FUBP3: variants seen among roughly 807,000 people sequenced by gnomAD.
FUBP3 encodes the protein far upstream element binding protein 3, also known as far upstream element-binding protein 3.
In FUBP3, 28 loss-of-function variants were observed where a neutral mutation model predicts 85.6. The observed-to-expected ratio is 0.33, with a 90% CI of 0.24 to 0.45. The LOEUF (loss-of-function observed/expected upper bound fraction) is 0.45. Among genes scored for constraint, FUBP3 ranks in the 20% least tolerant of loss-of-function variants. The pLI, the probability that FUBP3 is intolerant of heterozygous loss-of-function variation, is 1.00. For missense variants in FUBP3, 583 were observed against 755.1 expected, an observed-to-expected ratio of 0.77 and a Z score of 2.67; for synonymous variants, 271 against 271.4, an observed-to-expected ratio of 1.00 and a Z score of 0.01.
At chr9:130,608,301 A>C (rs1346253537) in intron 2 of FUBP3, among the ~76,000 whole-genome samples, 1 of 152,184 alleles carries the variant, frequency 6.6e-6, no homozygotes, top group Non-Finnish European at 1.5e-5. Flanking sequence ...TTCTGGCTTC[A>C]GTAGATTCTT....
chr9:130,623,990 C>T lies in FUBP3; in HGVS notation c.975+279C>T, dbSNP rs541872419. Among the ~76,000 whole-genome samples, 5 of 151,954 alleles carry T rather than the reference C, an allele frequency of 3.3e-5. No individual in the cohort carries two copies. The South Asian group carries it at 6.3e-4, about 19-fold the overall frequency. On this transcript the variant is annotated intron_variant, in intron 11 of 18. Coordinates refer to ENST00000319725, the MANE Select transcript of FUBP3 (RefSeq NM_003934.2). The stretch of plus-strand genomic sequence containing the variant: ...GTGGGGAAATACCATGGAGATTGGT[C>T]GCCAAGTTTCAAATAATCAAGTGTA...
At position 130,637,232 on chromosome 9, in the gene FUBP3, T is replaced by C; in HGVS notation, c.*210T>C. 3 of 591,766 alleles carry C rather than the reference T, an allele frequency of 5.1e-6. No individual in the cohort carries two copies. The highest frequency in any genetic ancestry group is 4.0e-5 in the South Asian group (2 of 49,526). The allele number at this position is 591,766 out of a possible 1,614,324, so 36.7% of individuals were successfully genotyped here. On this transcript the variant is annotated 3_prime_UTR_variant, in exon 19 of 19. Transcript: ENST00000319725. Reference sequence around the variant, plus strand: ...CATTTTTGTTTCATTATTTTTGTTATTTCAAATGTATAAGCTCTGGGATTC... The same window carrying C: ...CATTTTTGTTTCATTATTTTTGTTACTTCAAATGTATAAGCTCTGGGATTC...
chr9:130,631,543 C>A lies in FUBP3; in HGVS notation c.1279-14C>A, dbSNP rs368451098. 6.2e-6 allele frequency: 10 copies of A among 1,609,148 alleles called. No homozygotes were observed. Among genetic ancestry groups the A allele is most frequent in the African/African-American group, 2.7e-5 (2 of 74,840 alleles). On this transcript the variant is annotated splice_polypyrimidine_tract_variant and intron_variant, in intron 13 of 18. Coordinates refer to ENST00000319725, the MANE Select transcript of FUBP3 (RefSeq NM_003934.2). Reference sequence around the variant, plus strand: ...AACCAACAGCGGGTGAGAGCTCCCTCTGTGCCCCCACAGGGGACCAATCTC... The same window carrying A: ...AACCAACAGCGGGTGAGAGCTCCCTATGTGCCCCCACAGGGGACCAATCTC...
rs1226605380 is a variant in FUBP3 at position 130,592,189 on chromosome 9, G to A, written c.85-3294G>A. Reference sequence around the variant, plus strand: ...GGAGGTTGCAGTGAGCCAAGATTGCGCCACCGCACTCCAGCCTGGGCAACA... The same window carrying A: ...GGAGGTTGCAGTGAGCCAAGATTGCACCACCGCACTCCAGCCTGGGCAACA... On this transcript the variant is annotated intron_variant, in intron 1 of 18. Coordinates refer to ENST00000319725, the MANE Select transcript of FUBP3 (RefSeq NM_003934.2). Among the ~76,000 whole-genome samples the A allele has an allele frequency of 3.3e-5, 5 of 152,284 alleles. 1 individual carries two copies. Among genetic ancestry groups the A allele is most frequent in the African/African-American group, 2.4e-5 (1 of 41,552 alleles).
At position 130,635,974 on chromosome 9, in the gene FUBP3, CTG is replaced by C. The variant is rs1039177438; in HGVS notation, c.1583-21_1583-20del. The C allele has an allele frequency of 3.7e-6, 6 of 1,611,768 alleles. No individual in the cohort carries two copies. The highest frequency in any genetic ancestry group is 2.7e-5 in the African/African-American group (2 of 74,920). ...CCAGTGCACCTCCGCTCCCGATAAC[CTG>C]TGTTTCCTCCTTTGTCAACCAGGTC... On this transcript the variant is annotated intron_variant, in intron 17 of 18. Transcript: ENST00000319725. The surrounding 1 kb of genome is among the most constrained non-coding windows in gnomAD (Gnocchi z 4.3).
chr9:130,589,667 A>ATGTGTG lies in FUBP3; in HGVS notation c.85-5812_85-5807dup, dbSNP rs201160322. On this transcript the variant is annotated intron_variant, in intron 1 of 18. Transcript: ENST00000319725. Reference sequence around the variant, plus strand: ...CCAGATTTATTTTAAATATGTATGTATGTGTGTGTATATATATATATATAT... The same window carrying ATGTGTG: ...CCAGATTTATTTTAAATATGTATGTATGTGTGTGTGTGTGTATATATATATATATAT... Among the ~76,000 whole-genome samples, 158 of 59,974 alleles carry ATGTGTG rather than the reference A, an allele frequency of 2.6e-3. 1 individual carries two copies. The highest frequency in any genetic ancestry group is 6.5e-3 in the East Asian group (12 of 1,854). 39.3% of individuals were successfully genotyped at this position (59,974 alleles called of 152,430 possible).
chr9:130,631,554 C>T lies in FUBP3; in HGVS notation c.1279-3C>T. The T allele has an allele frequency of 6.2e-7, 1 of 1,612,488 alleles. No homozygotes were observed. Among genetic ancestry groups the T allele is most frequent in the Non-Finnish European group, 8.5e-7 (1 of 1,178,480 alleles). On this transcript the variant is annotated splice_region_variant and splice_polypyrimidine_tract_variant and intron_variant, in intron 13 of 18. Coordinates refer to ENST00000319725, the MANE Select transcript of FUBP3 (RefSeq NM_003934.2). ...GGTGAGAGCTCCCTCTGTGCCCCCACAGGGGACCAATCTCGGAGCACCTGG... is the reference window on the plus strand; with the variant it reads ...GGTGAGAGCTCCCTCTGTGCCCCCATAGGGGACCAATCTCGGAGCACCTGG...
At chr9:130,598,818 A>G (rs890692507) in intron 2 of FUBP3, among the ~76,000 whole-genome samples, 6 of 152,116 alleles carry the variant, frequency 3.9e-5, no homozygotes, top group Admixed American at 3.9e-4. Flanking sequence ...AGTCTAAAGA[A>G]TTTTCCCCCA....
intron 16 of FUBP3, among the ~76,000 whole-genome samples, chr9:130,633,156 T>G (rs1407947377): frequency 6.6e-6 from 1 of 152,248 alleles, no homozygotes; most frequent in African/African-American, 2.4e-5. Context: ...AGCTCCACTT[T>G]GCCACATGTA....
intron 6 of FUBP3, among the ~76,000 whole-genome samples, chr9:130,615,792 A>G (rs1166290052): frequency 6.6e-6 from 1 of 152,082 alleles, no homozygotes; most frequent in Non-Finnish European, 1.5e-5. Context: ...CTTGGAACCA[A>G]ACTGGGATTC....
At position 130,636,058 on chromosome 9, in the gene FUBP3, G is replaced by T. The variant is rs745634824; in HGVS notation, c.1642G>T (p.Ala548Ser). The T allele has an allele frequency of 6.2e-7, 1 of 1,613,906 alleles. No individual in the cohort carries two copies. The highest frequency in any genetic ancestry group is 2.2e-5 in the East Asian group (1 of 44,888). Reference protein sequence around the residue: ...SSPPDYTMAWAEYYRQQVAFY... With the variant: ...SSPPDYTMAWSEYYRQQVAFY... ...CCCACCGGACTACACAATGGCCTGG[G>T]CAGAATATTACAGACAGCAGGTCGC... is the stretch of plus-strand genomic sequence containing the variant. Residue 548 changes from alanine (A) to serine (S), a missense_variant, in exon 18 of 19, where the codon GCA (alanine) becomes TCA (serine). Transcript: ENST00000319725.
At chr9:130,600,996 C>T (rs1448618062) in intron 2 of FUBP3, among the ~76,000 whole-genome samples, 1 of 152,152 alleles carries the variant, frequency 6.6e-6, no homozygotes, top group Non-Finnish European at 1.5e-5. Flanking sequence ...TTTAAGCTTG[C>T]AGGCTATGTA....
intron 9 of FUBP3, among the ~76,000 whole-genome samples, chr9:130,621,724 G>C (rs1050739242): frequency 5.3e-5 from 8 of 151,712 alleles, no homozygotes; most frequent in African/African-American, 1.7e-4. Context: ...GGCCAATGTG[G>C]TGAAACCCTG....
At chr9:130,617,228 TTATAAGTAAACTTTCTTTC>T (rs1832052564) in intron 7 of FUBP3, among the ~76,000 whole-genome samples, 2 of 152,212 alleles carry the variant, frequency 1.3e-5, no homozygotes, top group South Asian at 4.1e-4. Flanking sequence ...GCCAAATGAA[TTATAAGTAAACTTTCTTTC>T]AGAAAAGGGA....
chr9:130,632,828 T>C (rs1397253433), intron 16 of FUBP3, among the ~76,000 whole-genome samples: 2 of 152,282 alleles, frequency 1.3e-5, no homozygotes. Flanking sequence ...CGCCACCCTC[T>C]CTGTCCCCAC....
rs118058291 is a variant in FUBP3, at chr9:130,614,790, C to G, written c.404+445C>G. Among the ~76,000 whole-genome samples the G allele has an allele frequency of 6.8e-4, 103 of 152,288 alleles. No homozygotes were observed. The East Asian group carries it at 0.016, about 24-fold the overall frequency. On this transcript the variant is annotated intron_variant, in intron 6 of 18. Transcript: ENST00000319725. ...TTGTGAACCAAATGAATCAACTCTT[C>G]GTGACTTTGCTCTACTCAGAGGGCC... is the stretch of plus-strand genomic sequence containing the variant.
intron 2 of FUBP3, among the ~76,000 whole-genome samples, chr9:130,598,711 T>TG (rs1300674694): frequency 2.6e-5 from 4 of 152,254 alleles, no homozygotes; most frequent in Non-Finnish European, 5.9e-5. Context: ...CCAGTGGCCC[T>TG]GGGGTGGATT....
At chr9:130,627,421 G>A (rs1313025515) in intron 12 of FUBP3, among the ~76,000 whole-genome samples, 1 of 152,216 alleles carries the variant, frequency 6.6e-6, no homozygotes, top group Non-Finnish European at 1.5e-5. Flanking sequence ...TGCTTGAGGG[G>A]CGCTCGTATT....
At chr9:130,618,968 G>T (rs1392125517) in intron 8 of FUBP3, among the ~76,000 whole-genome samples, 1 of 152,288 alleles carries the variant, frequency 6.6e-6, no homozygotes, top group East Asian at 1.9e-4. Flanking sequence ...CCCATGCGCT[G>T]CCTCCTCCAG....
Sources: allele counts gnomAD v4.1 joint callset (sites outside exome capture counted in the v4.1 genomes callset), GRCh38; gene constraint gnomAD v4.1.1; non-coding constraint Gnocchi (gnomAD v3.1); transcripts MANE v1.5; gene names NCBI Gene and HGNC (gene_info 2026-07-23, HGNC 2026-07-21).